Variants in DERA observed in about 807,000 individuals in gnomAD.
DERA encodes the protein deoxyribose-phosphate aldolase, also known as 2-deoxy-D-ribose 5-phosphate aldolase.
DERA carries 15 observed loss-of-function variants against 41.1 expected under a neutral mutation model. That is an observed-to-expected ratio of 0.37 (90% confidence interval 0.24 to 0.56). The LOEUF is 0.56. DERA is among the 20% of genes least tolerant of loss of function. The pLI is 0.81. For missense variants in DERA, 396 were observed against 403.4 expected, an observed-to-expected ratio of 0.98 and a Z score of 0.16; for synonymous variants, 139 against 137.4, an observed-to-expected ratio of 1.01 and a Z score of -0.08.
chr12:15,947,624 C>A (rs1219231915), intron 1 of DERA, among the ~76,000 whole-genome samples: 2 of 152,108 alleles, frequency 1.3e-5, no homozygotes, highest in Non-Finnish European at 2.9e-5. Context: ...GATGGGTCTC[C>A]TGAATACAGC....
chr12:15,962,637 A>C, intron 4 of DERA, 176 bp from the exon 5 acceptor site: 1 of 512,548 alleles, frequency 2.0e-6, no homozygotes, highest in Non-Finnish European at 3.4e-6. Context: ...ACACTTATGC[A>C]TAAGTGATGT....
Position 16,012,223 on chromosome 12 carries a change from C to T in DERA, c.638-20319C>T, listed in dbSNP as rs886333340. The stretch of plus-strand genomic sequence containing the variant: ...ACAGAGATGTGATACAAGTCCTACA[C>T]AGTCATGAGTTTATAAGTGTAGTTT... On this transcript the variant is annotated intron_variant, in intron 6 of 8. Coordinates refer to ENST00000428559, the MANE Select transcript of DERA (RefSeq NM_015954.4). This position sits in a 1 kb window ranked among gnomAD's most constrained non-coding sequence, Gnocchi z 4.1. 3.3e-5 allele frequency among the ~76,000 whole-genome samples: 5 copies of T among 152,144 alleles called. No individual in the cohort carries two copies. The highest frequency in any genetic ancestry group is 9.7e-5 in the African/African-American group (4 of 41,430).
chr12:15,932,379 G>T (rs570654031), intron 1 of DERA, among the ~76,000 whole-genome samples: 22 of 152,110 alleles, frequency 1.4e-4, no homozygotes, highest in Non-Finnish European at 2.1e-4. Context: ...GGCTGGACAT[G>T]GTGGCTCATT....
rs559073235 is a variant in DERA at position 15,992,035 on chromosome 12, A to G, written c.637+9599A>G. Among the ~76,000 whole-genome samples, 34 of 151,466 alleles carry G rather than the reference A, an allele frequency of 2.2e-4. No individual in the cohort carries two copies. Among genetic ancestry groups the G allele is most frequent in the African/African-American group, 8.2e-4 (34 of 41,346 alleles). ...GTTGCAAATACCAGTAGCATTTGTA[A>G]CATAGTATCAGCATCAACTGTTTTA... On this transcript the variant is annotated intron_variant, in intron 6 of 8. Coordinates refer to ENST00000428559, the MANE Select transcript of DERA (RefSeq NM_015954.4). The surrounding 1 kb of genome is among the most constrained non-coding windows in gnomAD (Gnocchi z 4.3).
intron 1 of DERA, among the ~76,000 whole-genome samples, chr12:15,917,858 G>T (rs139692638): frequency 3.3e-5 from 5 of 152,202 alleles, no homozygotes; most frequent in African/African-American, 1.2e-4. Context: ...AGTGGATAAC[G>T]ATATGAGAAG....
chr12:16,031,217 C>T (rs549845477), intron 6 of DERA, among the ~76,000 whole-genome samples: 18 of 152,274 alleles, frequency 1.2e-4, no homozygotes, highest in South Asian at 4.1e-4. Flanking sequence ...GGTGATTATG[C>T]GGGGTTTACG....
chr12:16,022,380 T>C (rs1444788919), intron 6 of DERA, among the ~76,000 whole-genome samples: 2 of 152,232 alleles, frequency 1.3e-5, no homozygotes, highest in African/African-American at 4.8e-5. Context: ...TGAAGAACTG[T>C]GAGCTAATTA....
intron 1 of DERA, among the ~76,000 whole-genome samples, chr12:15,955,058 A>G (rs1382821317): frequency 1.3e-5 from 2 of 151,882 alleles, no homozygotes; most frequent in African/African-American, 4.8e-5. Context: ...CCAGCACTTT[A>G]GGAGGGCGAG....
chr12:16,026,516 A>G lies in DERA; in HGVS notation c.638-6026A>G, dbSNP rs1949054357. ...GTCTGAATAGGTCTATATCTATTAA[A>G]GAAATTATTTAAATTTAATTTAATT... is the stretch of plus-strand genomic sequence containing the variant. On this transcript the variant is annotated intron_variant, in intron 6 of 8. Transcript: ENST00000428559. The surrounding 1 kb of genome is among the most constrained non-coding windows in gnomAD (Gnocchi z 4.4). Among the ~76,000 whole-genome samples, 2 of 151,398 alleles carry G rather than the reference A, an allele frequency of 1.3e-5. No individual in the cohort carries two copies. The highest frequency in any genetic ancestry group is 4.8e-5 in the African/African-American group (2 of 41,398).
At chr12:15,960,636 CAAAAAA>C (rs1163104277) in intron 4 of DERA, among the ~76,000 whole-genome samples, 656 of 28,610 alleles carry the variant, frequency 0.023, 3 homozygotes, top group Middle Eastern at 0.071. Context: ...GACTCCGTCT[CAAAAAA>C]AAAAAAAAAA....
intron 1 of DERA, among the ~76,000 whole-genome samples, chr12:15,914,661 A>G (rs1948187390): frequency 6.6e-6 from 1 of 152,206 alleles, no homozygotes; most frequent in African/African-American, 2.4e-5. Flanking sequence ...CGTCTGGAGA[A>G]TGCGGGTGTT....
Position 16,003,396 on chromosome 12 carries a change from A to C in DERA, c.637+20960A>C, listed in dbSNP as rs367582572. Among the ~76,000 whole-genome samples, 2 of 152,184 alleles carry C rather than the reference A, an allele frequency of 1.3e-5. No individual in the cohort carries two copies. The highest frequency in any genetic ancestry group is 2.9e-5 in the Non-Finnish European group (2 of 68,030). The stretch of plus-strand genomic sequence containing the variant: ...ATGCTAGGGGTTAGGACTTCCACCT[A>C]TGAATTTTGGGGGGCTCCAGTTCAA... On this transcript the variant is annotated intron_variant, in intron 6 of 8. Transcript: ENST00000428559. This position sits in a 1 kb window ranked among gnomAD's most constrained non-coding sequence, Gnocchi z 4.8.
Position 15,976,649 on chromosome 12 carries a change from A to G in DERA, c.509-5659A>G, listed in dbSNP as rs11835396. Among the ~76,000 whole-genome samples, 776 of 152,322 alleles carry G rather than the reference A, an allele frequency of 5.1e-3. 6 individuals are homozygous for G. The highest frequency in any genetic ancestry group is 0.018 in the African/African-American group (740 of 41,568). ...CAGCTTAAACTTTTAGAGTAAGTCA[A>G]CGTTTACCATCATTTTACGTGTGCT... On this transcript the variant is annotated intron_variant, in intron 5 of 8. Transcript: ENST00000428559. The surrounding 1 kb of genome is among the most constrained non-coding windows in gnomAD (Gnocchi z 4.1).
Position 15,957,929 on chromosome 12 carries a change from G to T in DERA, c.130-259G>T, listed in dbSNP as rs1451869220. 6.6e-6 allele frequency among the ~76,000 whole-genome samples: 1 copy of T among 152,164 alleles called. No homozygotes were observed. Among genetic ancestry groups the T allele is most frequent in the East Asian group, 1.9e-4 (1 of 5,170 alleles). ...AGTGGGGAGACATGGGCTAATAGGG[G>T]TTTCAATTTGGGATATCTGTGGGAG... is the stretch of plus-strand genomic sequence containing the variant. On this transcript the variant is annotated intron_variant, in intron 2 of 8. Transcript: ENST00000428559. The surrounding 1 kb of genome is among the most constrained non-coding windows in gnomAD (Gnocchi z 4.8).
rs1948254788 is a variant in DERA at position 15,922,950 on chromosome 12, C to G, written c.31+11536C>G. Among the ~76,000 whole-genome samples, 1 of 151,228 alleles carries G rather than the reference C, an allele frequency of 6.6e-6. No individual in the cohort carries two copies. The highest frequency in any genetic ancestry group is 1.5e-5 in the Non-Finnish European group (1 of 67,908). On this transcript the variant is annotated intron_variant, in intron 1 of 8. Transcript: ENST00000428559. The surrounding 1 kb of genome is among the most constrained non-coding windows in gnomAD (Gnocchi z 4.9). ...GGGGCAAAGCTTGTGTGGGAAATCT[C>G]TGTACCTTCTGTTCAGTTTTGCTGT... is the stretch of plus-strand genomic sequence containing the variant.
rs1041319413 is a variant in DERA, at chr12:15,989,678, A to T, written c.637+7242A>T. Among the ~76,000 whole-genome samples the T allele has an allele frequency of 1.3e-5, 2 of 152,216 alleles. No individual in the cohort carries two copies. Among genetic ancestry groups the T allele is most frequent in the African/African-American group, 4.8e-5 (2 of 41,442 alleles). On this transcript the variant is annotated intron_variant, in intron 6 of 8. Transcript: ENST00000428559. The surrounding 1 kb of genome is among the most constrained non-coding windows in gnomAD (Gnocchi z 5.2). ...GTTTTCCCATTAATTTAGAATCAGAATCTCAAAGGGAAACCATTTGTCATT... is the reference window on the plus strand; with the variant it reads ...GTTTTCCCATTAATTTAGAATCAGATTCTCAAAGGGAAACCATTTGTCATT...
At chr12:16,016,810 A>C (rs1199306877) in intron 6 of DERA, among the ~76,000 whole-genome samples, 1 of 151,300 alleles carries the variant, frequency 6.6e-6, no homozygotes, top group Non-Finnish European at 1.5e-5. Flanking sequence ...AAAAAAAAAA[A>C]AAAAAAAAGA....
At chr12:15,944,475 G>A (rs1314831074) in intron 1 of DERA, among the ~76,000 whole-genome samples, 4 of 152,106 alleles carry the variant, frequency 2.6e-5, no homozygotes, top group Non-Finnish European at 1.5e-5. Context: ...TTCTCTGATG[G>A]CCAGTGATGA....
chr12:16,017,594 C>T lies in DERA; in HGVS notation c.638-14948C>T, dbSNP rs750840981. ...ACTCTGGCCAGTGCTTCAACCGTAA[C>T]ACTGCATCTTTATTATATTGCCCTA... On this transcript the variant is annotated intron_variant, in intron 6 of 8. Transcript: ENST00000428559. The surrounding 1 kb of genome is among the most constrained non-coding windows in gnomAD (Gnocchi z 5.5). Among the ~76,000 whole-genome samples the T allele has an allele frequency of 2.0e-5, 3 of 152,180 alleles. No homozygotes were observed.
Sources: gnomAD v4.1 joint callset for allele counts (sites outside exome capture counted in the v4.1 genomes callset) on GRCh38, gnomAD v4.1.1 for gene constraint, Gnocchi (gnomAD v3.1) non-coding constraint, MANE v1.5 for transcripts, NCBI Gene and HGNC (gene_info 2026-07-23, HGNC 2026-07-21) for gene names.